The following CDKAL1 variants were observed in gnomAD, a reference collection of about 807,000 sequenced individuals.
The protein encoded by CDKAL1 is CDKAL1 threonylcarbamoyladenosine tRNA methylthiotransferase.
A neutral mutation model predicts 68.2 loss-of-function variants in CDKAL1; 32 were observed. That is an observed-to-expected ratio of 0.47 (90% CI 0.35 to 0.63). CDKAL1 has a LOEUF of 0.63. CDKAL1 is among the 30% of genes least tolerant of loss of function. CDKAL1 has a pLI of 0.00. For missense variants in CDKAL1, 606 were observed against 696.7 expected, an observed-to-expected ratio of 0.87 and a Z score of 1.47; for synonymous variants, 234 against 244.3, an observed-to-expected ratio of 0.96 and a Z score of 0.39.
At chr6:21,000,927 A>T (rs934068547) in intron 11 of CDKAL1, among the ~76,000 whole-genome samples, 5 of 152,244 alleles carry the variant, frequency 3.3e-5, no homozygotes, top group African/African-American at 1.2e-4. Context: ...ATTAAGGCAT[A>T]TTTACACAAT....
intron 13 of CDKAL1, among the ~76,000 whole-genome samples, chr6:21,118,983 TG>T (rs1468441730): frequency 6.6e-6 from 1 of 151,736 alleles, no homozygotes; most frequent in African/African-American, 2.4e-5. Context: ...TTTTTAAAGC[TG>T]CTTTTTTTAT....
At chr6:20,740,166 G>T (rs1018180933) in intron 6 of CDKAL1, among the ~76,000 whole-genome samples, 1 of 152,064 alleles carries the variant, frequency 6.6e-6, no homozygotes, top group Non-Finnish European at 1.5e-5. Context: ...TATTTAAATT[G>T]TTAGCCTCAT....
chr6:20,541,756 G>A (rs763634477), intron 2 of CDKAL1, among the ~76,000 whole-genome samples: 1 of 152,158 alleles, frequency 6.6e-6, no homozygotes, highest in Admixed American at 6.5e-5. Context: ...TGCCTCCCGG[G>A]TTCAAGCAAT....
chr6:20,629,060 T>C lies in CDKAL1; in HGVS notation c.287-20233T>C, dbSNP rs563278513. Reference sequence around the variant, plus strand: ...CTTCATTCATCTTATTCCCTTAATGTCCTTTATGGCAAAAGAAAGGATTCC... The same window carrying C: ...CTTCATTCATCTTATTCCCTTAATGCCCTTTATGGCAAAAGAAAGGATTCC... On this transcript the variant is annotated intron_variant, in intron 4 of 15. Coordinates refer to ENST00000274695, the MANE Select transcript of CDKAL1 (RefSeq NM_017774.3). Among the ~76,000 whole-genome samples, 488 of 152,318 alleles carry C rather than the reference T, an allele frequency of 3.2e-3. 2 individuals carry two copies. The highest frequency in any genetic ancestry group is 5.3e-3 in the Admixed American group (81 of 15,302).
intron 13 of CDKAL1, among the ~76,000 whole-genome samples, chr6:21,133,272 T>TA (rs1455415306): frequency 6.6e-6 from 1 of 152,244 alleles, no homozygotes; most frequent in Non-Finnish European, 1.5e-5. Context: ...GTTTGACAGA[T>TA]ACTGTCATCA....
At chr6:20,739,234 A>G (rs1446044445) in intron 5 of CDKAL1, among the ~76,000 whole-genome samples, 1 of 152,150 alleles carries the variant, frequency 6.6e-6, no homozygotes, top group Non-Finnish European at 1.5e-5. Flanking sequence ...AGAATGATTC[A>G]TATCCTTGGG....
intron 8 of CDKAL1, among the ~76,000 whole-genome samples, chr6:20,821,288 A>T (rs1462531083): frequency 6.6e-6 from 1 of 152,076 alleles, no homozygotes; most frequent in Non-Finnish European, 1.5e-5. Context: ...GAATGGAAGA[A>T]GAGAGAATGG....
chr6:20,594,861 G>A (rs67121595), intron 4 of CDKAL1, among the ~76,000 whole-genome samples: 1 of 151,976 alleles, frequency 6.6e-6, no homozygotes, highest in Non-Finnish European at 1.5e-5. Context: ...AGGAACTCTA[G>A]TAAGGCAGGC....
chr6:20,653,162 C>G (rs1768852643), intron 5 of CDKAL1, among the ~76,000 whole-genome samples: 1 of 152,142 alleles, frequency 6.6e-6, no homozygotes. Context: ...CTTTCATGGA[C>G]ATTCCTGCTA....
At chr6:20,913,697 G>T (rs1275405642) in intron 9 of CDKAL1, among the ~76,000 whole-genome samples, 1 of 152,182 alleles carries the variant, frequency 6.6e-6, no homozygotes, top group Non-Finnish European at 1.5e-5. Context: ...GATTTATAGA[G>T]TTTGTGTTGG....
At position 20,675,890 on chromosome 6, in the gene CDKAL1, G is replaced by A. The variant is rs114755497; in HGVS notation, c.371+26513G>A. Among the ~76,000 whole-genome samples the A allele has an allele frequency of 8.2e-3, 1,246 of 152,242 alleles. 16 individuals carry two copies. Among genetic ancestry groups the A allele is most frequent in the African/African-American group, 0.029 (1,189 of 41,528 alleles). ...ATCACAGGAAATCACAGCTCCAAGT[G>A]TATTATTGCCCCTGAAAGTCTTCTA... is the stretch of plus-strand genomic sequence containing the variant. On this transcript the variant is annotated intron_variant, in intron 5 of 15. Transcript: ENST00000274695.
chr6:20,813,463 A>G (rs1776907672), intron 8 of CDKAL1, among the ~76,000 whole-genome samples: 1 of 152,188 alleles, frequency 6.6e-6, no homozygotes, highest in Non-Finnish European at 1.5e-5. Context: ...ATTTTGATAA[A>G]GTCCAGTTTA....
At chr6:21,170,781 C>T (rs1198068577) in intron 13 of CDKAL1, among the ~76,000 whole-genome samples, 1 of 151,610 alleles carries the variant, frequency 6.6e-6, no homozygotes. Flanking sequence ...TTTACAGAGG[C>T]CGAGGAAGAC....
Position 20,706,621 on chromosome 6 carries a change from T to A in CDKAL1, c.372-32898T>A, listed in dbSNP as rs143598076. Among the ~76,000 whole-genome samples the A allele has an allele frequency of 3.4e-3, 514 of 152,348 alleles. 1 individual carries two copies. Among genetic ancestry groups the A allele is most frequent in the African/African-American group, 0.012 (483 of 41,582 alleles). ...GATGGAATACCATCAAATATATAAC[T>A]ACACTTAAATATATCTGTGTCTATC... On this transcript the variant is annotated intron_variant, in intron 5 of 15. Transcript: ENST00000274695.
chr6:20,579,817 A>T (rs1303837126), intron 4 of CDKAL1, among the ~76,000 whole-genome samples: 2 of 152,234 alleles, frequency 1.3e-5, no homozygotes, highest in Admixed American at 1.3e-4. Flanking sequence ...GATTGACAGT[A>T]TCAAAACAGA....
chr6:20,960,300 A>C (rs940696559), intron 10 of CDKAL1, among the ~76,000 whole-genome samples: 4 of 152,128 alleles, frequency 2.6e-5, no homozygotes, highest in African/African-American at 9.7e-5. Context: ...TGTTTTGTTA[A>C]TTGAGAAGCC....
chr6:21,134,556 T>G (rs951081011), intron 13 of CDKAL1, among the ~76,000 whole-genome samples: 2 of 152,210 alleles, frequency 1.3e-5, no homozygotes, highest in Admixed American at 6.5e-5. Flanking sequence ...AAGTGAAGAT[T>G]AATGCTTGCG....
chr6:20,856,361 T>C (rs1157023601), intron 9 of CDKAL1, among the ~76,000 whole-genome samples: 1 of 152,200 alleles, frequency 6.6e-6, no homozygotes, highest in Non-Finnish European at 1.5e-5. Flanking sequence ...AAAAGTAGTA[T>C]GGAAAAACCA....
intron 15 of CDKAL1, among the ~76,000 whole-genome samples, chr6:21,221,533 C>G (rs1352770017): frequency 6.6e-6 from 1 of 152,094 alleles, no homozygotes; most frequent in Non-Finnish European, 1.5e-5. Context: ...CAGCCAATTT[C>G]AAGATTCTTT....
Sources: gnomAD v4.1 joint callset for allele counts (sites outside exome capture counted in the v4.1 genomes callset) on GRCh38, gnomAD v4.1.1 for gene constraint, MANE v1.5 for transcripts, NCBI Gene and HGNC (gene_info 2026-07-23, HGNC 2026-07-21) for gene names.